SMYD3: variants seen among roughly 807,000 people sequenced by gnomAD.
SMYD3 encodes histone-lysine N-methyltransferase SMYD3.
SMYD3 carries 36 observed loss-of-function variants against 57.7 expected under a neutral mutation model. The observed-to-expected ratio is 0.62, with a 90% confidence interval of 0.48 to 0.82. The LOEUF (loss-of-function observed/expected upper bound fraction) is 0.82. Ranked by LOEUF, SMYD3 falls within the 40% of genes least tolerant of loss-of-function variation. SMYD3 has a pLI of 0.00. For missense variants in SMYD3, 515 were observed against 538.8 expected, an observed-to-expected ratio of 0.96 and a Z score of 0.44; for synonymous variants, 211 against 195.0, an observed-to-expected ratio of 1.08 and a Z score of -0.68.
chr1:246,261,279 G>T (rs1050465824), intron 5 of SMYD3, among the ~76,000 whole-genome samples: 3 of 151,050 alleles, frequency 2.0e-5, no homozygotes, highest in African/African-American at 7.3e-5. Context: ...GGATGGTCTC[G>T]ATCTCCTGAC....
chr1:245,785,282 A>G (rs2046988946), intron 10 of SMYD3, among the ~76,000 whole-genome samples: 1 of 152,062 alleles, frequency 6.6e-6, no homozygotes, highest in Non-Finnish European at 1.5e-5. Context: ...AATTGTCACA[A>G]TGGTTACAGT....
At chr1:246,505,201 G>C (rs1242573528) in intron 1 of SMYD3, among the ~76,000 whole-genome samples, 1 of 152,124 alleles carries the variant, frequency 6.6e-6, no homozygotes, top group Non-Finnish European at 1.5e-5. Flanking sequence ...GTTTATGTTT[G>C]CTGATTTCCC....
chr1:246,218,930 C>T (rs963544164), intron 5 of SMYD3, among the ~76,000 whole-genome samples: 2 of 152,144 alleles, frequency 1.3e-5, no homozygotes, highest in Non-Finnish European at 2.9e-5. Flanking sequence ...AAATGACCAA[C>T]GTTGTCAATT....
intron 1 of SMYD3, 54 bp downstream of exon 1, chr1:246,506,998 TCC>T: frequency 9.0e-6 from 2 of 221,878 alleles, no homozygotes; most frequent in Non-Finnish European, 1.2e-5. Flanking sequence ...CGCCCCCCCC[TCC>T]CCAGCACCCC....
chr1:246,064,591 A>G (rs2060309138), intron 5 of SMYD3, among the ~76,000 whole-genome samples: 1 of 152,206 alleles, frequency 6.6e-6, no homozygotes, highest in Non-Finnish European at 1.5e-5. Context: ...ACTGCACTGC[A>G]ATTTCAGTCT....
chr1:246,363,125 G>A (rs1312311701), intron 1 of SMYD3, among the ~76,000 whole-genome samples: 1 of 151,636 alleles, frequency 6.6e-6, no homozygotes, highest in African/African-American at 2.4e-5. Flanking sequence ...CGTCTGAGAA[G>A]TGAGGAGCCC....
chr1:246,358,949 A>G (rs2065948524), intron 1 of SMYD3, among the ~76,000 whole-genome samples: 1 of 152,192 alleles, frequency 6.6e-6, no homozygotes, highest in South Asian at 2.1e-4. Flanking sequence ...AGCAGAAGAA[A>G]AGAAATAACA....
chr1:246,053,318 G>C (rs2060092766), intron 5 of SMYD3, among the ~76,000 whole-genome samples: 1 of 151,714 alleles, frequency 6.6e-6, no homozygotes, highest in Admixed American at 6.6e-5. Context: ...TTTTTAAAAA[G>C]CTAACAAGCT....
chr1:246,274,958 T>A (rs2064300854), intron 5 of SMYD3, among the ~76,000 whole-genome samples: 1 of 152,202 alleles, frequency 6.6e-6, no homozygotes, highest in Non-Finnish European at 1.5e-5. Context: ...ATGACTACTG[T>A]AGCTGGGACA....
intron 5 of SMYD3, among the ~76,000 whole-genome samples, chr1:245,980,138 G>A (rs886249336): frequency 1.3e-5 from 2 of 152,174 alleles, no homozygotes; most frequent in Non-Finnish European, 2.9e-5. Flanking sequence ...ACAACGAGGG[G>A]GAGAACTCAG....
chr1:246,251,446 T>G (rs199950805), intron 5 of SMYD3, among the ~76,000 whole-genome samples: 13,902 of 114,028 alleles, frequency 0.12, 1,214 homozygotes, highest in East Asian at 0.44. Context: ...AGTAGGTGCC[T>G]CGGACACTGT....
At chr1:245,960,985 TA>T (rs981278668) in intron 5 of SMYD3, among the ~76,000 whole-genome samples, 5 of 151,738 alleles carry the variant, frequency 3.3e-5, no homozygotes, top group African/African-American at 1.2e-4. Context: ...TGGCAACATT[TA>T]AAAAAAAATC....
intron 5 of SMYD3, among the ~76,000 whole-genome samples, chr1:246,009,435 C>T (rs765572608): frequency 2.0e-5 from 3 of 152,144 alleles, no homozygotes; most frequent in Non-Finnish European, 4.4e-5. Flanking sequence ...AGAGTCTTCA[C>T]ATTTTTTGAA....
chr1:246,402,381 T>TTTTTTTTTTTTTTTTTTTTTTG (rs1239559421), intron 1 of SMYD3, among the ~76,000 whole-genome samples: 1 of 151,502 alleles, frequency 6.6e-6, no homozygotes, highest in African/African-American at 2.4e-5. Flanking sequence ...AACGCCATCT[T>TTTTTTTTTTTTTTTTTTTTTTG]AAAGATGATC....
intron 5 of SMYD3, among the ~76,000 whole-genome samples, chr1:245,959,351 G>C (rs1472046976): frequency 6.6e-6 from 1 of 152,206 alleles, no homozygotes; most frequent in Non-Finnish European, 1.5e-5. Context: ...GACAGCTCCA[G>C]ATCAAAGTTT....
intron 8 of SMYD3, among the ~76,000 whole-genome samples, chr1:245,887,585 T>G (rs1177076982): frequency 6.6e-6 from 1 of 152,182 alleles, no homozygotes; most frequent in Non-Finnish European, 1.5e-5. Flanking sequence ...TGAAACCATC[T>G]CAATGAAAAT....
At chr1:245,938,452 C>T (rs1260602881) in intron 5 of SMYD3, among the ~76,000 whole-genome samples, 1 of 152,192 alleles carries the variant, frequency 6.6e-6, no homozygotes. Context: ...AGAGTCACAA[C>T]TTTAATTATG....
Position 246,013,345 on chromosome 1 carries a change from A to G in SMYD3, c.532-83408T>C, listed in dbSNP as rs922965325. Among the ~76,000 whole-genome samples, 86 of 151,918 alleles carry G rather than the reference A, an allele frequency of 5.7e-4. 2 individuals are homozygous for G. The highest frequency in any genetic ancestry group is 1.9e-4 in the Non-Finnish European group (13 of 67,990). ...CAGGCACGTGCCACCATGTCCAGCT[A>G]ATTTTTGTATTTTTAGTAGGGATGG... is the stretch of plus-strand genomic sequence containing the variant. On this transcript the variant is annotated intron_variant, in intron 5 of 11. Transcript: ENST00000490107.
At chr1:246,263,632 T>A (rs1477788694) in intron 5 of SMYD3, among the ~76,000 whole-genome samples, 1 of 152,224 alleles carries the variant, frequency 6.6e-6, no homozygotes, top group East Asian at 1.9e-4. Context: ...TCATTCAAAA[T>A]AGCTGCTTAT....
Sources: allele counts gnomAD v4.1 joint callset (sites outside exome capture counted in the v4.1 genomes callset), GRCh38; gene constraint gnomAD v4.1.1; transcripts MANE v1.5; gene names NCBI Gene and HGNC (gene_info 2026-07-23, HGNC 2026-07-21).